Variants in AGL observed in about 807,000 individuals in gnomAD.
AGL encodes the protein amylo-alpha-1,6-glucosidase and 4-alpha-glucanotransferase, also known as glycogen debranching enzyme.
In AGL, 128 loss-of-function variants were observed where a neutral mutation model predicts 199.3. The ratio of observed to expected loss-of-function variants is 0.64; its 90% confidence interval spans 0.56 to 0.74. The LOEUF (loss-of-function observed/expected upper bound fraction) is 0.74. Among genes scored for constraint, AGL ranks in the 30% least tolerant of loss-of-function variants. The pLI is 0.00. For synonymous variants in AGL, 584 were observed against 594.7 expected (o/e 0.98, Z 0.26); for missense variants, 1,809 against 1,820.8 (o/e 0.99, Z 0.12).
At chr1:99,899,522 CTCTCTCTT>C (rs1163231364) in intron 25 of AGL, among the ~76,000 whole-genome samples, 6 of 92,264 alleles carry the variant, frequency 6.5e-5, no homozygotes, top group African/African-American at 1.8e-4. Context: ...CTCTCTCTCT[CTCTCTCTT>C]TCTCTCTCTC....
chr1:99,875,199 A>G lies in AGL; in HGVS notation c.1128A>G (p.Lys376=). 3 of 1,614,198 alleles carry G rather than the reference A, an allele frequency of 1.9e-6. No individual in the cohort carries two copies. Among genetic ancestry groups the G allele is most frequent in the Non-Finnish European group, 2.5e-6 (3 of 1,180,010 alleles). ...AAGAATGCTGTAATTGGTTTCATAA[A>G]AGAATGGAGGAATTAAATTCAGAGA... ...AIEECCNWFH[K]RMEELNSEKH... The change falls in exon 9 of 34, where the codon AAA becomes AAG. Residue 376 remains lysine, a synonymous_variant. Transcript: ENST00000361915.
chr1:99,851,722 A>G (rs1462065744), intron 2 of AGL, among the ~76,000 whole-genome samples: 1 of 152,218 alleles, frequency 6.6e-6, no homozygotes, highest in East Asian at 1.9e-4. Context: ...TTACTTTTCT[A>G]CAAGGCTAGT....
At position 99,884,667 on chromosome 1, in the gene AGL, A is replaced by C; in HGVS notation, c.2645A>C (p.Asp882Ala). 6.2e-7 allele frequency: 1 copy of C among 1,613,998 alleles called. No individual in the cohort carries two copies. Among genetic ancestry groups the C allele is most frequent in the Non-Finnish European group, 8.5e-7 (1 of 1,179,928 alleles). Residue 882 changes from aspartate to alanine, a missense_variant, in exon 20 of 34, where the codon GAC becomes GCC. By Grantham distance (126) the Asp-to-Ala change is moderately radical (BLOSUM62 -2). Coordinates refer to ENST00000361915, the MANE Select transcript of AGL (RefSeq NM_000642.3). ...TTTAAATCTGGCAGCCTAGCTGTTG[A>C]CAATGCAGATCCTATATTAAAAATT... Reference protein sequence around the residue: ...PHFKSGSLAVDNADPILKIPF... With the variant: ...PHFKSGSLAVANADPILKIPF...
At chr1:99,901,382 TAAA>T (rs58305886) in intron 26 of AGL, among the ~76,000 whole-genome samples, 19 of 107,740 alleles carry the variant, frequency 1.8e-4, no homozygotes, top group African/African-American at 2.1e-4. Flanking sequence ...TCAGTCTCTT[TAAA>T]AAAAAAAAAA....
intron 33 of AGL, among the ~76,000 whole-genome samples, chr1:99,920,120 T>A (rs750559919): frequency 6.6e-6 from 1 of 152,252 alleles, no homozygotes; most frequent in Non-Finnish European, 1.5e-5. Flanking sequence ...GTAACCTCAT[T>A]TTGTTTTTTA....
intron 21 of AGL, among the ~76,000 whole-genome samples, chr1:99,890,648 A>T (rs114225570): frequency 0.2 from 23,359 of 119,166 alleles, 1,944 homozygotes; most frequent in South Asian, 0.35. Flanking sequence ...TAAGAAAAAA[A>T]AAATATATAT....
At chr1:99,869,290 C>A (rs1469661782) in intron 5 of AGL, among the ~76,000 whole-genome samples, 3 of 152,150 alleles carry the variant, frequency 2.0e-5, no homozygotes, top group African/African-American at 7.2e-5. Context: ...ATTACAACTT[C>A]TCTGCTCCTT....
chr1:99,876,641 C>T, intron 11 of AGL, 44 bp downstream of exon 11: 2 of 1,606,398 alleles, frequency 1.2e-6, no homozygotes, highest in Non-Finnish European at 1.7e-6. Context: ...AAGAATAGTT[C>T]ATGGCAAGGT....
intron 10 of AGL, 96 bp downstream of exon 10, chr1:99,875,551 G>A (rs1651452124): frequency 3.0e-6 from 3 of 1,013,944 alleles, no homozygotes; most frequent in Non-Finnish European, 4.5e-6. Context: ...TAACATGTGA[G>A]TTCAGTACAT....
chr1:99,857,847 A>AGGGAGACCGTGGGGGGGGGGAGGGGGT (rs1649685231), intron 2 of AGL, among the ~76,000 whole-genome samples: 1 of 8,226 alleles, frequency 1.2e-4, no homozygotes, highest in African/African-American at 4.8e-4. Context: ...GGGGAGGGGG[A>AGGGAGACCGTGGGGGGGGGGAGGGGGT]GGGGGGAAGA....
At chr1:99,869,038 C>T (rs1443959677) in intron 5 of AGL, among the ~76,000 whole-genome samples, 5 of 152,074 alleles carry the variant, frequency 3.3e-5, no homozygotes, top group African/African-American at 1.2e-4. Flanking sequence ...GTTGCCCAGG[C>T]TGTCTCCAGC....
At chr1:99,895,047 G>A (rs1188950488) in intron 24 of AGL, among the ~76,000 whole-genome samples, 1 of 151,876 alleles carries the variant, frequency 6.6e-6, no homozygotes, top group African/African-American at 2.4e-5. Context: ...TTATGCTTTG[G>A]CATAATTTTT....
At position 99,892,293 on chromosome 1, in the gene AGL, A is replaced by T. The variant is rs534247106; in HGVS notation, c.3084-139A>T. The T allele has an allele frequency of 1.5e-5, 12 of 814,642 alleles. No homozygotes were observed. In the South Asian group the frequency reaches 2.1e-4, roughly 15 times the overall value. The allele number at this position is 814,642 out of a possible 1,614,324, so 50.5% of individuals were successfully genotyped here. On this transcript the variant is annotated intron_variant, in intron 23 of 33. Coordinates refer to ENST00000361915, the MANE Select transcript of AGL (RefSeq NM_000642.3). ...TGAAAGCAGTTTTGAAATCTAACCA[A>T]AGTTTTAAAAATGTTAAGTAATATT...
chr1:99,874,317 C>T (rs988644940), intron 7 of AGL, among the ~76,000 whole-genome samples: 2 of 148,214 alleles, frequency 1.3e-5, no homozygotes, highest in Non-Finnish European at 3.0e-5. Flanking sequence ...GCACATGTAC[C>T]CTAGAACTTA....
intron 27 of AGL, among the ~76,000 whole-genome samples, chr1:99,904,411 TA>T (rs1211470552): frequency 6.6e-6 from 1 of 152,216 alleles, no homozygotes; most frequent in African/African-American, 2.4e-5. Context: ...CTTCACCCAG[TA>T]CAGCATCAGA....
chr1:99,872,819 G>C (rs557697390), intron 7 of AGL, among the ~76,000 whole-genome samples: 21 of 152,238 alleles, frequency 1.4e-4, no homozygotes, highest in African/African-American at 3.1e-4. Context: ...GAGCCACCGC[G>C]CCCAGCCTTT....
chr1:99,899,826 T>C (rs111415975), intron 25 of AGL, among the ~76,000 whole-genome samples: 1 of 151,932 alleles, frequency 6.6e-6, no homozygotes, highest in Admixed American at 6.6e-5. Flanking sequence ...TTCACCGTGT[T>C]AGTCAGGATG....
At chr1:99,912,567 T>G (rs1654826595) in intron 29 of AGL, 50 bp downstream of exon 29, 3 of 1,287,862 alleles carry the variant, frequency 2.3e-6, no homozygotes, top group Admixed American at 1.7e-5. Context: ...ACTATGTATA[T>G]TCTCAACCTA....
chr1:99,909,989 A>G (rs1654618316), intron 27 of AGL, among the ~76,000 whole-genome samples: 1 of 152,242 alleles, frequency 6.6e-6, no homozygotes, highest in Non-Finnish European at 1.5e-5. Context: ...CACAGATATT[A>G]GATATACCAG....
Sources: gnomAD v4.1 joint callset for allele counts (sites outside exome capture counted in the v4.1 genomes callset) on GRCh38, gnomAD v4.1.1 for gene constraint, MANE v1.5 for transcripts, NCBI Gene and HGNC (gene_info 2026-07-23, HGNC 2026-07-21) for gene names.